Variants in AP3D1 observed in about 807,000 individuals in gnomAD.
The protein encoded by AP3D1 is AP-3 complex subunit delta-1.
AP3D1 carries 51 observed loss-of-function variants against 147.6 expected under a neutral mutation model. The ratio of observed to expected loss-of-function variants is 0.35; its 90% CI spans 0.28 to 0.44. The LOEUF is 0.44. Ranked by LOEUF, AP3D1 falls within the 20% of genes least tolerant of loss-of-function variation. The pLI, the probability that AP3D1 is intolerant of heterozygous loss-of-function variation, is 1.00. For missense variants in AP3D1, 1,421 were observed against 1,624.2 expected (o/e 0.87, Z 2.15); for synonymous variants, 760 against 663.0 (o/e 1.15, Z -2.25).
At chr19:2,158,608 CTT>C (rs1210998373) in intron 1 of AP3D1, among the ~76,000 whole-genome samples, 19 of 143,660 alleles carry the variant, frequency 1.3e-4, no homozygotes, top group Non-Finnish European at 1.4e-4. Flanking sequence ...GATCCCAGCT[CTT>C]TTTTTTTTTT....
rs766580076 is a variant in AP3D1 at position 2,114,857 on chromosome 19, G to A, written c.2350-36C>T. 2.9e-5 allele frequency: 47 copies of A among 1,606,380 alleles called. No individual in the cohort carries two copies. The East Asian group carries it at 4.7e-4, about 16-fold the overall frequency. ...GAGAGGAACCCCATCACTGGAACCC[G>A]CCCTTGTGGCCTGGTGGAACGCCAT... On this transcript the variant is annotated intron_variant, in intron 20 of 31. Transcript: ENST00000643116.
At chr19:2,143,707 T>C (rs1388170844) in intron 1 of AP3D1, among the ~76,000 whole-genome samples, 1 of 151,722 alleles carries the variant, frequency 6.6e-6, no homozygotes, top group African/African-American at 2.4e-5. Flanking sequence ...GTCAATGCTG[T>C]AGGGGGCCGC....
In AP3D1 at chr19:2,129,173, C is replaced by G. The variant is rs1266492865; in HGVS notation, c.733-10G>C. ...GAGTAAGAGCACCGAACTGTGGGGACAGCAGGGCCTCGGTCACCCGCAGGG... is the reference window on the plus strand; with the variant it reads ...GAGTAAGAGCACCGAACTGTGGGGAGAGCAGGGCCTCGGTCACCCGCAGGG... On this transcript the variant is annotated splice_polypyrimidine_tract_variant and intron_variant, in intron 7 of 31. Coordinates refer to ENST00000643116, the MANE Select transcript of AP3D1 (RefSeq NM_001261826.3). 1.0e-5 allele frequency: 16 copies of G among 1,606,464 alleles called. No homozygotes were observed. Among genetic ancestry groups the G allele is most frequent in the East Asian group, 6.7e-5 (3 of 44,590 alleles).
intron 11 of AP3D1, among the ~76,000 whole-genome samples, chr19:2,122,650 A>C (rs374452920): frequency 4.4e-4 from 67 of 152,350 alleles, no homozygotes; most frequent in African/African-American, 1.3e-3. Context: ...AGAACAGAAC[A>C]ACCATAAAAC....
chr19:2,130,620 A>C, intron 5 of AP3D1, 83 bp from the exon 6 acceptor site: 1 of 1,578,852 alleles, frequency 6.3e-7, no homozygotes, highest in South Asian at 1.1e-5. Flanking sequence ...TCCTCCACAG[A>C]GAGGAGATGC....
At chr19:2,122,019 T>A (rs947557062) in intron 11 of AP3D1, 140 bp from the exon 12 acceptor site, 5 of 990,962 alleles carry the variant, frequency 5.0e-6, no homozygotes, top group African/African-American at 3.4e-5. Flanking sequence ...AGAGCAAGTA[T>A]CCCAGCTGGA....
chr19:2,142,614 G>A (rs767289157), intron 1 of AP3D1, among the ~76,000 whole-genome samples: 7 of 152,206 alleles, frequency 4.6e-5, no homozygotes, highest in South Asian at 2.1e-4. Context: ...CACATCCCAC[G>A]GTGCTTTCCA....
chr19:2,133,648 T>C (rs915486396), intron 4 of AP3D1, among the ~76,000 whole-genome samples: 1 of 152,078 alleles, frequency 6.6e-6, no homozygotes, highest in Admixed American at 6.5e-5. Flanking sequence ...GGATTACAGG[T>C]GCGTGTCACC....
At chr19:2,148,305 C>G (rs542604631) in intron 1 of AP3D1, among the ~76,000 whole-genome samples, 1 of 152,282 alleles carries the variant, frequency 6.6e-6, no homozygotes, top group African/African-American at 2.4e-5. Context: ...AAGACACATA[C>G]ACATGAGACC....
intron 1 of AP3D1, among the ~76,000 whole-genome samples, chr19:2,149,246 G>A (rs543300007): frequency 1.4e-3 from 211 of 152,120 alleles, no homozygotes; most frequent in African/African-American, 4.6e-3. Flanking sequence ...ACCCTGCGCC[G>A]TTTTAAAAAT....
chr19:2,161,073 G>A (rs1347221338), intron 1 of AP3D1, among the ~76,000 whole-genome samples: 1 of 151,910 alleles, frequency 6.6e-6, no homozygotes, highest in Non-Finnish European at 1.5e-5. Context: ...CCCTGAGTGG[G>A]TAGGGAGAGA....
intron 11 of AP3D1, among the ~76,000 whole-genome samples, chr19:2,122,317 G>C (rs2018634480): frequency 6.6e-6 from 1 of 152,220 alleles, no homozygotes; most frequent in South Asian, 2.1e-4. Context: ...AGGGTGGCTG[G>C]GCATGAGGCA....
At chr19:2,124,725 G>A (rs1269396025) in intron 9 of AP3D1, among the ~76,000 whole-genome samples, 1 of 152,224 alleles carries the variant, frequency 6.6e-6, no homozygotes, top group Non-Finnish European at 1.5e-5. Flanking sequence ...CAGATGACCT[G>A]AGGTCAGGAG....
At chr19:2,163,045 C>T (rs1157838288) in intron 1 of AP3D1, among the ~76,000 whole-genome samples, 2 of 151,884 alleles carry the variant, frequency 1.3e-5, no homozygotes, top group Non-Finnish European at 2.9e-5. Flanking sequence ...TTGGGAGAAA[C>T]TTATAGTTTA....
chr19:2,157,259 G>C (rs902925790), intron 1 of AP3D1, among the ~76,000 whole-genome samples: 2 of 150,960 alleles, frequency 1.3e-5, no homozygotes, highest in African/African-American at 4.9e-5. Flanking sequence ...CGGCTAAAAC[G>C]GTGAAACCCC....
In AP3D1 at chr19:2,113,910, G is replaced by A. The variant is rs78080533; in HGVS notation, c.2601+215C>T. On this transcript the variant is annotated intron_variant, in intron 22 of 31. Transcript: ENST00000643116. ...GAGGACACGGCTCACCCATGGGATCGTTGGGTCCTCCTCAGTCTCCCCTGA... is the reference window on the plus strand; with the variant it reads ...GAGGACACGGCTCACCCATGGGATCATTGGGTCCTCCTCAGTCTCCCCTGA... Among the ~76,000 whole-genome samples the A allele has an allele frequency of 0.043, 6,599 of 152,222 alleles. 264 individuals carry two copies. The highest frequency in any genetic ancestry group is 0.21 in the East Asian group (1,104 of 5,160).
At position 2,118,739 on chromosome 19, in the gene AP3D1, G is replaced by A. The variant is rs202211938; in HGVS notation, c.1575C>T (p.Asn525=). 2.2e-5 allele frequency: 36 copies of A among 1,613,778 alleles called. No individual in the cohort carries two copies. The highest frequency in any genetic ancestry group is 1.8e-4 in the Admixed American group (11 of 60,024). The change falls in exon 15 of 32, where the codon AAC becomes AAT. Residue 525 remains asparagine, a synonymous_variant. Transcript: ENST00000643116. ...PGHIQAVYVQ[N]VVKLYASILQ... Reference sequence around the variant, plus strand: ...GGATGGAGGCGTAGAGCTTGACCACGTTCTGCACATACACGGCCTGGATGT... The same window carrying A: ...GGATGGAGGCGTAGAGCTTGACCACATTCTGCACATACACGGCCTGGATGT...
chr19:2,161,481 A>C (rs2019698358), intron 1 of AP3D1, among the ~76,000 whole-genome samples: 1 of 152,064 alleles, frequency 6.6e-6, no homozygotes, highest in Non-Finnish European at 1.5e-5. Flanking sequence ...TGATAATTAA[A>C]AATGACTTGC....
intron 24 of AP3D1, 100 bp downstream of exon 24, chr19:2,112,760 C>A: frequency 1.1e-6 from 1 of 871,936 alleles, no homozygotes; most frequent in South Asian, 1.8e-5. Flanking sequence ...GAGAGCAGGG[C>A]TGCCCTGGGA....
Sources: allele counts gnomAD v4.1 joint callset (sites outside exome capture counted in the v4.1 genomes callset), GRCh38; gene constraint gnomAD v4.1.1; transcripts MANE v1.5; gene names NCBI Gene and HGNC (gene_info 2026-07-23, HGNC 2026-07-21).